The following CYTH1 variants were observed in gnomAD, a reference collection of about 807,000 sequenced individuals.
The protein encoded by CYTH1 is cytohesin-1.
CYTH1 carries 18 observed loss-of-function variants against 61.8 expected under a neutral mutation model. The observed-to-expected ratio is 0.29, with a 90% confidence interval of 0.20 to 0.43. The LOEUF is 0.43. Among genes scored for constraint, CYTH1 ranks in the 20% least tolerant of loss-of-function variants. The pLI is 1.00. For missense variants in CYTH1, 336 were observed against 510.5 expected, an observed-to-expected ratio of 0.66 and a Z score of 3.29; for synonymous variants, 174 against 184.3, an observed-to-expected ratio of 0.94 and a Z score of 0.45.
At chr17:78,718,885 T>A (rs1465582802) in intron 1 of CYTH1, among the ~76,000 whole-genome samples, 1 of 152,220 alleles carries the variant, frequency 6.6e-6, no homozygotes, top group African/African-American at 2.4e-5. Flanking sequence ...TTCATCTTCC[T>A]CTTTTGCTTC....
intron 1 of CYTH1, among the ~76,000 whole-genome samples, chr17:78,718,267 A>G (rs958261573): frequency 2.2e-5 from 3 of 136,886 alleles, no homozygotes; most frequent in Admixed American, 7.5e-5. Flanking sequence ...ACACACACAC[A>G]CGCTCCTTCT....
intron 11 of CYTH1, among the ~76,000 whole-genome samples, chr17:78,684,071 G>A (rs909428726): frequency 6.6e-6 from 1 of 152,200 alleles, no homozygotes; most frequent in African/African-American, 2.4e-5. Flanking sequence ...TTACACCCAT[G>A]CTCTTCAGCC....
rs1342645415 is a variant in CYTH1, at chr17:78,760,454, TAC to T, written c.22+21746_22+21747del. On this transcript the variant is annotated intron_variant, in intron 1 of 13. Coordinates refer to ENST00000446868, the MANE Select transcript of CYTH1 (RefSeq NM_004762.6). ...ATACATATATATATGTATATATATATACATACATATATATATGTATATATATG... is the reference window on the plus strand; with the variant it reads ...ATACATATATATATGTATATATATATATACATATATATATGTATATATATG... 4.8e-3 allele frequency among the ~76,000 whole-genome samples: 261 copies of T among 53,872 alleles called. 26 individuals carry two copies. Among genetic ancestry groups the T allele is most frequent in the African/African-American group, 9.3e-3 (124 of 13,340 alleles). The allele number at this position is 53,872 out of a possible 152,430, so 35.3% of individuals were successfully genotyped here. A position where few individuals can be genotyped will look rare whatever the true frequency, so the allele number is the denominator to read the frequency against.
At chr17:78,773,010 TTTAGTAGAGATGGGTTTTC>T (rs2093477754) in intron 1 of CYTH1, among the ~76,000 whole-genome samples, 1 of 152,044 alleles carries the variant, frequency 6.6e-6, no homozygotes, top group Non-Finnish European at 1.5e-5. Flanking sequence ...TTTTTTGTAT[TTTAGTAGAGATGGGTTTTC>T]ACCATGTTGC....
intron 13 of CYTH1, among the ~76,000 whole-genome samples, chr17:78,679,487 G>A (rs556883873): frequency 3.3e-5 from 5 of 152,364 alleles, no homozygotes; most frequent in African/African-American, 1.2e-4. Context: ...GGGACTGGAG[G>A]GAGAGCCAGG....
At chr17:78,763,893 T>C (rs1396815176) in intron 1 of CYTH1, among the ~76,000 whole-genome samples, 1 of 152,118 alleles carries the variant, frequency 6.6e-6, no homozygotes, top group African/African-American at 2.4e-5. Context: ...GGCACATCAC[T>C]TGAGGTCAGG....
At position 78,756,976 on chromosome 17, in the gene CYTH1, TTTC is replaced by T. The variant is rs139151777; in HGVS notation, c.22+25223_22+25225del. Among the ~76,000 whole-genome samples the T allele has an allele frequency of 1.9e-3, 292 of 150,188 alleles. 3 individuals carry two copies. In the East Asian group the frequency reaches 0.044, roughly 22 times the overall value. ...GGCGGAATTTCAAGGTTTGAATTTT[TTTC>T]TTTTTTTTCTTTTTTTTTTTTTTTT... On this transcript the variant is annotated intron_variant, in intron 1 of 13. Transcript: ENST00000446868.
intron 1 of CYTH1, among the ~76,000 whole-genome samples, chr17:78,779,942 T>C (rs1272285536): frequency 6.6e-6 from 1 of 152,254 alleles, no homozygotes; most frequent in African/African-American, 2.4e-5. Context: ...CACTTACCTC[T>C]TTCAAGTACA....
At chr17:78,775,379 A>G (rs2093487065) in intron 1 of CYTH1, among the ~76,000 whole-genome samples, 1 of 152,192 alleles carries the variant, frequency 6.6e-6, no homozygotes, top group South Asian at 2.1e-4. Context: ...CAAAGGCCAA[A>G]GCTAGAGACA....
chr17:78,698,795 A>T lies in CYTH1; in HGVS notation c.699+25T>A, dbSNP rs1170899588. On this transcript the variant is annotated intron_variant, in intron 8 of 13. Transcript: ENST00000446868. ...CCCAGTGAACTCTTTCTTGACTTGAATGAAGACCATTCTTCCTTGCTTACC... is the reference window on the plus strand; with the variant it reads ...CCCAGTGAACTCTTTCTTGACTTGATTGAAGACCATTCTTCCTTGCTTACC... 5 of 1,549,122 alleles carry T rather than the reference A, an allele frequency of 3.2e-6. No individual in the cohort carries two copies. In the South Asian group the frequency reaches 6.3e-5, roughly 20 times the overall value.
chr17:78,733,957 A>T (rs7502213), intron 1 of CYTH1, among the ~76,000 whole-genome samples: 61,759 of 152,126 alleles, frequency 0.41, 14,969 homozygotes, highest in Non-Finnish European at 0.53. Flanking sequence ...GAGAGTTCAA[A>T]GGCAAATCAA....
chr17:78,755,951 G>C (rs1027162974), intron 1 of CYTH1, among the ~76,000 whole-genome samples: 2 of 151,532 alleles, frequency 1.3e-5, no homozygotes, highest in African/African-American at 4.9e-5. Context: ...AAAACAAAAA[G>C]GGCCATGAAG....
chr17:78,680,404 T>C, intron 12 of CYTH1, 60 bp from the exon 13 acceptor site: 1 of 1,522,872 alleles, frequency 6.6e-7, no homozygotes, highest in Non-Finnish European at 8.9e-7. Flanking sequence ...CTGAGAAACA[T>C]GCTGATTTCT....
At position 78,690,492 on chromosome 17, in the gene CYTH1, C is replaced by T. The variant is rs189939553; in HGVS notation, c.891+1925G>A. ...GTCAGGAGTTCAAGACCAGCCTGGC[C>T]AACATGGTGAAACCCCATCCCATCT... On this transcript the variant is annotated intron_variant, in intron 11 of 13. Transcript: ENST00000446868. 2.1e-3 allele frequency among the ~76,000 whole-genome samples: 309 copies of T among 147,714 alleles called. 2 individuals carry two copies. Among genetic ancestry groups the T allele is most frequent in the Non-Finnish European group, 4.0e-3 (268 of 67,480 alleles).
At chr17:78,780,294 C>G (rs1261327837) in intron 1 of CYTH1, among the ~76,000 whole-genome samples, 1 of 151,202 alleles carries the variant, frequency 6.6e-6, no homozygotes, top group African/African-American at 2.4e-5. Flanking sequence ...AAGATAGGAA[C>G]TGGAGTTCAC....
At chr17:78,772,557 G>C (rs1232524809) in intron 1 of CYTH1, among the ~76,000 whole-genome samples, 1 of 151,932 alleles carries the variant, frequency 6.6e-6, no homozygotes, top group African/African-American at 2.4e-5. Flanking sequence ...TTTGTTTTTT[G>C]AGATGGAGTC....
chr17:78,766,121 C>A (rs920900748), intron 1 of CYTH1, among the ~76,000 whole-genome samples: 2 of 151,216 alleles, frequency 1.3e-5, no homozygotes, highest in African/African-American at 4.9e-5. Context: ...CCAGCCCCTC[C>A]TCTAGCAGGA....
At chr17:78,726,416 A>G (rs2144570534) in intron 1 of CYTH1, among the ~76,000 whole-genome samples, 1 of 152,284 alleles carries the variant, frequency 6.6e-6, no homozygotes, top group African/African-American at 2.4e-5. Flanking sequence ...GCCCCCTGTC[A>G]GTTACTGTGG....
chr17:78,768,083 G>A (rs761805106), intron 1 of CYTH1, among the ~76,000 whole-genome samples: 1 of 152,046 alleles, frequency 6.6e-6, no homozygotes, highest in Non-Finnish European at 1.5e-5. Context: ...AGACTGGCTC[G>A]GAATCATTGT....
Sources: allele counts gnomAD v4.1 joint callset (sites outside exome capture counted in the v4.1 genomes callset), GRCh38; gene constraint gnomAD v4.1.1; transcripts MANE v1.5; gene names NCBI Gene and HGNC (gene_info 2026-07-23, HGNC 2026-07-21).